Variants in TFB1M observed in about 807,000 individuals in gnomAD.
TFB1M encodes transcription factor B1, mitochondrial.
Under a neutral mutation model 31.1 loss-of-function variants are expected in TFB1M, and 27 were observed. The observed-to-expected ratio is 0.87, with a 90% confidence interval of 0.64 to 1.20. The LOEUF (loss-of-function observed/expected upper bound fraction) is 1.20, where lower values mean the gene tolerates loss of function less well. TFB1M is among the 50% of genes most tolerant of loss of function. The probability of loss-of-function intolerance (pLI) is 0.00; values close to 1 mark genes in which losing one functional copy is unlikely to be tolerated. For missense variants in TFB1M, 394 were observed against 418.7 expected, an observed-to-expected ratio of 0.94 and a Z score of 0.51; for synonymous variants, 166 against 151.8, an observed-to-expected ratio of 1.09 and a Z score of -0.69.
At chr6:155,286,549 GTGTGTATATATATGTATATATATACA>G (rs1361931227) in intron 4 of TFB1M, among the ~76,000 whole-genome samples, 11 of 147,530 alleles carry the variant, frequency 7.5e-5, no homozygotes, top group African/African-American at 2.8e-4. Flanking sequence ...GTGTATATAT[GTGTGTATATATATGTATATATATACA>G]TGTGTATATG....
At chr6:155,313,233 G>C (rs998992256) in intron 1 of TFB1M, 1 of 149,342 alleles carries the variant, frequency 6.7e-6, no homozygotes, top group African/African-American at 2.5e-5. Flanking sequence ...GGCAACAAGA[G>C]TGAAACTCCA....
Position 155,296,987 on chromosome 6 carries a change from T to C in TFB1M, c.512A>G (p.Gln171Arg). Residue 171 changes from glutamine to arginine, a missense_variant, in exon 4 of 7, where the codon CAG becomes CGG. This residue lies in a region of TFB1M where 273 missense variants were observed against 256.4 expected (regional missense o/e 1.06). Transcript: ENST00000367166. ...TTCCTTTTGAAAAGTCAAAGTCATC[T>C]GAGTTCTGCCATAAACAAAAGGTCC... is the stretch of plus-strand genomic sequence containing the variant. ...RDGPFVYGRT[Q>R]MTLTFQKEVA... is the part of the protein sequence containing the mutation. 5 of 1,614,048 alleles carry C rather than the reference T, an allele frequency of 3.1e-6. No individual in the cohort carries two copies. Among genetic ancestry groups the C allele is most frequent in the Non-Finnish European group, 4.2e-6 (5 of 1,179,956 alleles).
the TFB1M span, chr6:155,244,166 G>T: frequency 3.2e-6 from 4 of 1,269,624 alleles, no homozygotes; most frequent in Middle Eastern, 1.9e-4. Flanking sequence ...GAGTATCTCT[G>T]TTGATCCCAA....
At chr6:155,244,924 GT>G in the TFB1M span, 1 of 1,081,690 alleles carries the variant, frequency 9.2e-7, no homozygotes, top group Non-Finnish European at 1.2e-6. Flanking sequence ...TCCTTGCACC[GT>G]TTTCCTCTGT....
Position 155,256,553 on chromosome 6 carries a change from G to A in TFB1M, c.*1283C>T. On this transcript the variant is annotated 3_prime_UTR_variant, in exon 7 of 7. Coordinates refer to ENST00000367166, the MANE Select transcript of TFB1M (RefSeq NM_016020.4). ...GAGTGGACCGGTGAGACTGGCAAGGGAACCTTGCTGGACTCTGACGAGGGC... is the reference window on the plus strand; with the variant it reads ...GAGTGGACCGGTGAGACTGGCAAGGAAACCTTGCTGGACTCTGACGAGGGC... 6.2e-7 allele frequency: 1 copy of A among 1,614,186 alleles called. No individual in the cohort carries two copies. The highest frequency in any genetic ancestry group is 8.5e-7 in the Non-Finnish European group (1 of 1,180,032).
chr6:155,307,148 C>CACAT (rs1178063502), intron 2 of TFB1M, among the ~76,000 whole-genome samples: 3 of 151,314 alleles, frequency 2.0e-5, no homozygotes, highest in African/African-American at 7.3e-5. Flanking sequence ...CACACACACA[C>CACAT]ACACACACAC....
chr6:155,254,024 A>C, downstream of TFB1M: 1 of 1,614,190 alleles, frequency 6.2e-7, no homozygotes, highest in African/African-American at 1.3e-5. Flanking sequence ...TCAGAAATAG[A>C]AGGACGGCCA....
chr6:155,257,698 G>A lies in TFB1M; in HGVS notation c.*138C>T. The A allele has an allele frequency of 2.0e-6, 2 of 991,632 alleles. No homozygotes were observed. Among genetic ancestry groups the A allele is most frequent in the East Asian group, 2.4e-5 (1 of 41,776 alleles). 61.4% of individuals were successfully genotyped at this position (991,632 alleles called of 1,614,324 possible). On this transcript the variant is annotated 3_prime_UTR_variant, in exon 7 of 7. Coordinates refer to ENST00000367166, the MANE Select transcript of TFB1M (RefSeq NM_016020.4). ...TGATATTTATTTTCTCTGCCAAGCT[G>A]TATAGTAAAAGGAAAATAAGTCACA...
chr6:155,268,775 C>T (rs923398475), intron 5 of TFB1M, among the ~76,000 whole-genome samples: 4 of 150,462 alleles, frequency 2.7e-5, no homozygotes, highest in African/African-American at 7.4e-5. Flanking sequence ...GTCATCACCA[C>T]TCCCTAATCT....
At chr6:155,263,055 C>T (rs1033774157) in intron 5 of TFB1M, among the ~76,000 whole-genome samples, 1 of 152,142 alleles carries the variant, frequency 6.6e-6, no homozygotes, top group Non-Finnish European at 1.5e-5. Flanking sequence ...CAAAGCTCTT[C>T]CAGTTATGTC....
chr6:155,253,413 G>C, downstream of TFB1M: 1 of 212,652 alleles, frequency 4.7e-6, no homozygotes, highest in Admixed American at 5.5e-5. Context: ...AGGTTAGGTA[G>C]TACTGTAGGT....
chr6:155,314,086 G>T, intron 1 of TFB1M: 1 of 1,443,946 alleles, frequency 6.9e-7, no homozygotes, highest in Non-Finnish European at 9.1e-7. Context: ...ACACCCCCCC[G>T]AACGCGGAGT....
chr6:155,263,190 G>A (rs112504852), intron 5 of TFB1M, among the ~76,000 whole-genome samples: 12 of 152,148 alleles, frequency 7.9e-5, no homozygotes, highest in African/African-American at 2.9e-4. Context: ...TAGGAAAGCT[G>A]CTTGGTAACT....
the TFB1M span, chr6:155,245,555 C>A: frequency 7.5e-7 from 1 of 1,337,782 alleles, no homozygotes; most frequent in Non-Finnish European, 1.1e-6. Context: ...ATGGGGCCGT[C>A]AAATGCCATA....
intron 2 of TFB1M, among the ~76,000 whole-genome samples, chr6:155,305,859 A>T (rs943289198): frequency 2.0e-5 from 3 of 146,658 alleles, no homozygotes; most frequent in African/African-American, 7.6e-5. Flanking sequence ...AGAAGAAAAA[A>T]CTGATAAATT....
At chr6:155,312,835 G>A (rs116898757) in intron 1 of TFB1M, among the ~76,000 whole-genome samples, 5,405 of 152,030 alleles carry the variant, frequency 0.036, 152 homozygotes, top group Non-Finnish European at 0.048. Context: ...TGAGAATGGT[G>A]ATTTATATTT....
downstream of TFB1M, chr6:155,254,776 T>C (rs1783896785): frequency 1.0e-5 from 6 of 580,516 alleles, no homozygotes; most frequent in Non-Finnish European, 1.5e-5. Flanking sequence ...CAGTCCCTTG[T>C]CTTCCTACCC....
chr6:155,260,928 C>G (rs1479227576), intron 5 of TFB1M: 1 of 180,666 alleles, frequency 5.5e-6, no homozygotes, highest in Non-Finnish European at 1.2e-5. Flanking sequence ...ACAGAACTTT[C>G]TAGTAGCAAT....
In TFB1M at chr6:155,257,074, G is replaced by A. The variant is rs1470574659; in HGVS notation, c.*762C>T. On this transcript the variant is annotated 3_prime_UTR_variant, in exon 7 of 7. Transcript: ENST00000367166. ...CAGTGTCCAGAGTTTAACATCTGTTGTCAGTGAGGAGTGTTTTTATGAAAC... is the reference window on the plus strand; with the variant it reads ...CAGTGTCCAGAGTTTAACATCTGTTATCAGTGAGGAGTGTTTTTATGAAAC... 6.2e-7 allele frequency: 1 copy of A among 1,613,292 alleles called. No individual in the cohort carries two copies. Among genetic ancestry groups the A allele is most frequent in the South Asian group, 1.1e-5 (1 of 91,050 alleles).
Sources: allele counts gnomAD v4.1 joint callset (sites outside exome capture counted in the v4.1 genomes callset), GRCh38; gene constraint gnomAD v4.1.1; regional missense constraint gnomAD v4.1.1; transcripts MANE v1.5; gene names NCBI Gene and HGNC (gene_info 2026-07-23, HGNC 2026-07-21).